PCDHGB1: variants seen among roughly 807,000 people sequenced by gnomAD.
PCDHGB1 encodes protocadherin gamma-B1.
A neutral mutation model predicts 56.6 loss-of-function variants in PCDHGB1; 34 were observed. The ratio of observed to expected loss-of-function variants is 0.60; its 90% CI spans 0.46 to 0.80. The LOEUF (loss-of-function observed/expected upper bound fraction) is 0.80. Ranked by LOEUF, PCDHGB1 falls within the 30% of genes least tolerant of loss-of-function variation. The probability of loss-of-function intolerance (pLI) is 0.00; values close to 1 mark genes in which losing one functional copy is unlikely to be tolerated. For synonymous variants in PCDHGB1, 561 were observed against 505.9 expected (o/e 1.11, Z -1.46); for missense variants, 1,278 against 1,204.6 (o/e 1.06, Z -0.90).
intron 1 of PCDHGB1, chr5:141,421,256 G>A (rs1205670837): frequency 1.2e-6 from 2 of 1,607,696 alleles, no homozygotes; most frequent in African/African-American, 1.3e-5. Flanking sequence ...CGCGGGGACC[G>A]CAGTCGGCTG....
intron 1 of PCDHGB1, among the ~76,000 whole-genome samples, chr5:141,369,676 A>T (rs1172722090): frequency 6.6e-6 from 1 of 152,246 alleles, no homozygotes; most frequent in Non-Finnish European, 1.5e-5. Context: ...GAAGAAAGTG[A>T]AACATAGAAT....
At chr5:141,364,465 CG>C in intron 1 of PCDHGB1, 1 of 1,613,982 alleles carries the variant, frequency 6.2e-7, no homozygotes, top group South Asian at 1.1e-5. Context: ...GCTCCTTCGT[CG>C]GCAACATAGC....
At chr5:141,371,726 T>G (rs769173416) in intron 1 of PCDHGB1, 3 of 1,613,932 alleles carry the variant, frequency 1.9e-6, no homozygotes, top group Non-Finnish European at 2.5e-6. Context: ...ACATCCTTGA[T>G]GTCAACGACA....
intron 1 of PCDHGB1, among the ~76,000 whole-genome samples, chr5:141,438,596 A>G (rs1303292978): frequency 2.8e-5 from 1 of 35,176 alleles, no homozygotes; most frequent in Non-Finnish European, 6.2e-5. Context: ...ACATACATAT[A>G]TATATATATA....
intron 3 of PCDHGB1, among the ~76,000 whole-genome samples, chr5:141,505,729 G>A (rs1026403192): frequency 7.9e-5 from 12 of 152,286 alleles, no homozygotes; most frequent in African/African-American, 2.9e-4. Flanking sequence ...AGGGAATAGT[G>A]GTTACAAGTC....
Position 141,352,656 on chromosome 5 carries a change from C to A in PCDHGB1, c.2396C>A (p.Ser799Tyr). Residue 799 changes from serine to tyrosine, a missense_variant, in exon 1 of 4, where the codon TCT (serine) becomes TAT (tyrosine). By Grantham distance (144) the Ser-to-Tyr change is moderately radical. Coordinates refer to ENST00000523390, the MANE Select transcript of PCDHGB1 (RefSeq NM_018922.3). ...NEDHKIAYDP[S>Y]LSSHQAPPNT... ...GATCACAAAATCGCTTATGACCCTT[C>A]TTTGTCTTCGCACGTGAGTTTCTGC... 6.3e-7 allele frequency: 1 copy of A among 1,597,704 alleles called. No homozygotes were observed. Among genetic ancestry groups the A allele is most frequent in the African/African-American group, 1.3e-5 (1 of 74,800 alleles).
chr5:141,392,706 C>T (rs2092579718), intron 1 of PCDHGB1: 1 of 1,289,828 alleles, frequency 7.8e-7, no homozygotes, highest in South Asian at 1.6e-5. Flanking sequence ...TGTTTGGAGG[C>T]ACTCCAGGTT....
intron 1 of PCDHGB1, among the ~76,000 whole-genome samples, chr5:141,425,689 A>C (rs887583603): frequency 6.6e-6 from 1 of 152,232 alleles, no homozygotes; most frequent in African/African-American, 2.4e-5. Flanking sequence ...ACTGCATATC[A>C]TTTCATAGTG....
Position 141,388,565 on chromosome 5 carries a change from G to C in PCDHGB1, c.2409+35896G>C, listed in dbSNP as rs149167054. ...CTCCACCCCTAAGCAGCACTGCACAGATACACGTTCTAGTGACTGATGCCA... is the reference window on the plus strand; with the variant it reads ...CTCCACCCCTAAGCAGCACTGCACACATACACGTTCTAGTGACTGATGCCA... On this transcript the variant is annotated intron_variant, in intron 1 of 3. Transcript: ENST00000523390. The C allele has an allele frequency of 1.1e-3, 1,717 of 1,613,854 alleles. 24 individuals carry two copies. The highest frequency in any genetic ancestry group is 4.6e-4 in the Non-Finnish European group (537 of 1,179,878).
chr5:141,361,838 G>C (rs761837286), intron 1 of PCDHGB1: 61 of 1,612,714 alleles, frequency 3.8e-5, no homozygotes, highest in Non-Finnish European at 4.9e-5. Flanking sequence ...CCCGCGCTGG[G>C]GCCTGATGGC....
rs150106838 is a variant in PCDHGB1, at chr5:141,503,886, T to C, written c.2469-1507T>C. On this transcript the variant is annotated intron_variant, in intron 2 of 3. Coordinates refer to ENST00000523390, the MANE Select transcript of PCDHGB1 (RefSeq NM_018922.3). Reference sequence around the variant, plus strand: ...AGTTCTTGGTTGTGCTCACCCACCATGACAAAATATGCACACACACAACGC... The same window carrying C: ...AGTTCTTGGTTGTGCTCACCCACCACGACAAAATATGCACACACACAACGC... Among the ~76,000 whole-genome samples, 20 of 152,290 alleles carry C rather than the reference T, an allele frequency of 1.3e-4. No individual in the cohort carries two copies. The South Asian group carries it at 3.9e-3, about 30-fold the overall frequency.
intron 1 of PCDHGB1, chr5:141,410,095 C>T (rs2095356889): frequency 1.2e-6 from 2 of 1,612,676 alleles, no homozygotes; most frequent in Non-Finnish European, 1.7e-6. Flanking sequence ...CGGCTCGAGC[C>T]TTAGGCGACA....
rs1779505290 is a variant in PCDHGB1, at chr5:141,383,837, C to A, written c.2409+31168C>A. On this transcript the variant is annotated intron_variant, in intron 1 of 3. Transcript: ENST00000523390. ...GAAGGATTAGATTATGAAGAAACTG[C>A]CTTCTATGAAATGGAGGTTCAGGCT... 1 of 1,613,886 alleles carries A rather than the reference C, an allele frequency of 6.2e-7. No homozygotes were observed. The highest frequency in any genetic ancestry group is 1.1e-5 in the South Asian group (1 of 91,078).
intron 1 of PCDHGB1, chr5:141,409,410 A>G (rs1465791228): frequency 6.2e-7 from 1 of 1,614,036 alleles, no homozygotes; most frequent in African/African-American, 1.3e-5. Flanking sequence ...AACTACTACA[A>G]ACTGGTGACA....
intron 1 of PCDHGB1, chr5:141,408,828 G>C: frequency 6.2e-7 from 1 of 1,613,614 alleles, no homozygotes; most frequent in East Asian, 2.2e-5. Context: ...AGATCTCATA[G>C]CTTGATATTG....
intron 1 of PCDHGB1, among the ~76,000 whole-genome samples, chr5:141,466,868 CA>C (rs1343260699): frequency 1.3e-5 from 2 of 152,100 alleles, no homozygotes; most frequent in African/African-American, 2.4e-5. Flanking sequence ...GAAATCCACA[CA>C]TTTTTTTCAT....
intron 1 of PCDHGB1, chr5:141,403,291 A>T: frequency 6.2e-7 from 1 of 1,613,918 alleles, no homozygotes; most frequent in Non-Finnish European, 8.5e-7. Flanking sequence ...TTGAAGACAG[A>T]GTGAAACTGT....
intron 1 of PCDHGB1, among the ~76,000 whole-genome samples, chr5:141,386,528 T>G (rs1181319415): frequency 6.6e-6 from 1 of 152,148 alleles, no homozygotes; most frequent in African/African-American, 2.4e-5. Context: ...AAGACTCTTT[T>G]TAGACTAGTG....
rs1181585491 is a variant in PCDHGB1, at chr5:141,371,693, C to A, written c.2409+19024C>A. Reference sequence around the variant, plus strand: ...CCGACAAAGGCAATCCACCGCTCTCCTCCAGCAAGACCATCACTCTGCACA... The same window carrying A: ...CCGACAAAGGCAATCCACCGCTCTCATCCAGCAAGACCATCACTCTGCACA... On this transcript the variant is annotated intron_variant, in intron 1 of 3. Transcript: ENST00000523390. 6.8e-6 allele frequency: 11 copies of A among 1,613,948 alleles called. No individual in the cohort carries two copies. In the Admixed American group the frequency reaches 1.7e-4, roughly 24 times the overall value.
Sources: gnomAD v4.1 joint callset for allele counts (sites outside exome capture counted in the v4.1 genomes callset) on GRCh38, gnomAD v4.1.1 for gene constraint, MANE v1.5 for transcripts, NCBI Gene and HGNC (gene_info 2026-07-23, HGNC 2026-07-21) for gene names.